Variants in QSOX2 observed in about 807,000 individuals in gnomAD.
QSOX2 encodes the protein sulfhydryl oxidase 2.
In QSOX2, 46 loss-of-function variants were observed where a neutral mutation model predicts 61.7. The ratio of observed to expected loss-of-function variants is 0.75; its 90% CI spans 0.59 to 0.95. The LOEUF (loss-of-function observed/expected upper bound fraction) is 0.95. QSOX2 is among the 40% of genes least tolerant of loss of function. The pLI, the probability that QSOX2 is intolerant of heterozygous loss-of-function variation, is 0.00. For missense variants in QSOX2, 879 were observed against 918.9 expected (o/e 0.96, Z 0.56); for synonymous variants, 383 against 388.4 (o/e 0.99, Z 0.16).
At position 136,244,884 on chromosome 9, in the gene QSOX2, A is replaced by T. The variant is rs116720063; in HGVS notation, c.328+592T>A. Among the ~76,000 whole-genome samples the T allele has an allele frequency of 3.3e-3, 498 of 152,302 alleles. 5 individuals carry two copies. The highest frequency in any genetic ancestry group is 0.011 in the African/African-American group (461 of 41,556). On this transcript the variant is annotated intron_variant, in intron 1 of 11. Coordinates refer to ENST00000358701, the MANE Select transcript of QSOX2 (RefSeq NM_181701.4). ...TAGGTTGTTTTGGGGTATTATAGAG[A>T]AGTCTCCAGAGTATTTGGACTTCTA...
chr9:136,238,713 T>C (rs1830411331), intron 1 of QSOX2, among the ~76,000 whole-genome samples: 1 of 152,226 alleles, frequency 6.6e-6, no homozygotes, highest in Non-Finnish European at 1.5e-5. Context: ...GAGTTTTACC[T>C]AGAAACCAGG....
At chr9:136,239,681 C>T (rs567681884) in intron 1 of QSOX2, among the ~76,000 whole-genome samples, 3 of 152,364 alleles carry the variant, frequency 2.0e-5, no homozygotes, top group Non-Finnish European at 2.9e-5. Flanking sequence ...GAGCTACGCT[C>T]CCAACACCAC....
At chr9:136,232,915 C>T (rs1830343865) in intron 1 of QSOX2, among the ~76,000 whole-genome samples, 1 of 76,978 alleles carries the variant, frequency 1.3e-5, no homozygotes, top group Non-Finnish European at 2.3e-5. Context: ...GAGAACCTGT[C>T]TCAAAAAAAA....
At chr9:136,237,547 A>T (rs1191389775) in intron 1 of QSOX2, among the ~76,000 whole-genome samples, 1 of 75,882 alleles carries the variant, frequency 1.3e-5, no homozygotes, top group African/African-American at 7.3e-5. Flanking sequence ...GTCCTGTGCC[A>T]CACCTGGAGC....
chr9:136,211,962 G>A (rs1180325827), intron 10 of QSOX2, among the ~76,000 whole-genome samples: 1 of 152,252 alleles, frequency 6.6e-6, no homozygotes, highest in East Asian at 1.9e-4. Flanking sequence ...CAGGACACCA[G>A]CCCAAGTGGG....
chr9:136,234,503 C>A (rs1260649337), intron 1 of QSOX2, among the ~76,000 whole-genome samples: 2 of 152,202 alleles, frequency 1.3e-5, no homozygotes, highest in Non-Finnish European at 2.9e-5. Flanking sequence ...TGACAACGCA[C>A]CATCCTAGAG....
In QSOX2 at chr9:136,241,088, C is replaced by T. The variant is rs575926595; in HGVS notation, c.328+4388G>A. Among the ~76,000 whole-genome samples the T allele has an allele frequency of 2.0e-5, 3 of 152,238 alleles. No individual in the cohort carries two copies. The East Asian group carries it at 5.8e-4, about 29-fold the overall frequency. ...CTGGGTCTCTCGGTGTAGTCTCAGA[C>T]GCACCAACCACAGCCACTGGGGAGG... is the stretch of plus-strand genomic sequence containing the variant. On this transcript the variant is annotated intron_variant, in intron 1 of 11. Transcript: ENST00000358701.
At chr9:136,215,120 A>T in intron 10 of QSOX2, 34 bp downstream of exon 10, 1 of 1,601,474 alleles carries the variant, frequency 6.2e-7, no homozygotes, top group Non-Finnish European at 8.5e-7. Context: ...TAGGCAGACC[A>T]TCGGCCCCTC....
intron 9 of QSOX2, among the ~76,000 whole-genome samples, chr9:136,215,550 T>G (rs898559452): frequency 6.6e-6 from 1 of 152,214 alleles, no homozygotes; most frequent in Non-Finnish European, 1.5e-5. Flanking sequence ...GAAGAGACAG[T>G]TCTTCTGTAT....
intron 1 of QSOX2, among the ~76,000 whole-genome samples, chr9:136,239,554 A>AGCGCAAATTCATCCCGGAGCGTGAATTC (rs1830418071): frequency 1.3e-5 from 2 of 152,170 alleles, no homozygotes; most frequent in Non-Finnish European, 2.9e-5. Context: ...ATGAATTTCC[A>AGCGCAAATTCATCCCGGAGCGTGAATTC]GCGCAAATTC....
chr9:136,210,995 G>T lies in QSOX2; in HGVS notation c.1549+269C>A, dbSNP rs144472106. On this transcript the variant is annotated intron_variant, in intron 11 of 11. Coordinates refer to ENST00000358701, the MANE Select transcript of QSOX2 (RefSeq NM_181701.4). Reference sequence around the variant, plus strand: ...ACGGGCTACCAGTGGGTACCGATGGGGGAAGAAAGAGCCACACCCATTTCC... The same window carrying T: ...ACGGGCTACCAGTGGGTACCGATGGTGGAAGAAAGAGCCACACCCATTTCC... 2.6e-4 allele frequency: 189 copies of T among 739,448 alleles called. 1 individual carries two copies. The highest frequency in any genetic ancestry group is 2.9e-4 in the Non-Finnish European group (175 of 605,406). The allele number at this position is 739,448 out of a possible 1,614,324, so 45.8% of individuals were successfully genotyped here. A position where few individuals can be genotyped will look rare whatever the true frequency, so the allele number is the denominator to read the frequency against.
intron 1 of QSOX2, among the ~76,000 whole-genome samples, chr9:136,235,216 C>T (rs891496048): frequency 5.3e-5 from 8 of 152,218 alleles, no homozygotes; most frequent in Non-Finnish European, 8.8e-5. Context: ...TGAGGATCGG[C>T]GGGGTCAAAG....
chr9:136,211,480 CG>C (rs749587983), intron 10 of QSOX2, 28 bp from the exon 11 acceptor site: 60 of 1,607,654 alleles, frequency 3.7e-5, no homozygotes, highest in African/African-American at 1.3e-5. Context: ...CTGCTGACAA[CG>C]GCAGGTGCGT....
At chr9:136,227,858 G>A (rs915164831) in intron 1 of QSOX2, among the ~76,000 whole-genome samples, 3 of 152,106 alleles carry the variant, frequency 2.0e-5, no homozygotes, top group East Asian at 1.9e-4. Flanking sequence ...GCACACCTGC[G>A]GTCCCAGCTA....
chr9:136,224,439 C>A (rs896684597), intron 3 of QSOX2, among the ~76,000 whole-genome samples: 8 of 152,002 alleles, frequency 5.3e-5, no homozygotes, highest in Admixed American at 2.6e-4. Context: ...GCAGAGCCCC[C>A]CCAGGGCGCG....
At chr9:136,230,858 C>G (rs1010554995) in intron 1 of QSOX2, among the ~76,000 whole-genome samples, 2 of 152,190 alleles carry the variant, frequency 1.3e-5, no homozygotes, top group African/African-American at 2.4e-5. Flanking sequence ...ACAGGCCTGA[C>G]CTCCGTCCCA....
Position 136,223,784 on chromosome 9 carries a change from G to A in QSOX2, c.654C>T (p.Asn218=), listed in dbSNP as rs780352476. 1 of 1,614,026 alleles carries A rather than the reference G, an allele frequency of 6.2e-7. No individual in the cohort carries two copies. The highest frequency in any genetic ancestry group is 8.5e-7 in the Non-Finnish European group (1 of 1,180,000). Residue 218 remains asparagine (N), a synonymous_variant, in exon 5 of 12, where the codon AAC becomes AAT. Coordinates refer to ENST00000358701, the MANE Select transcript of QSOX2 (RefSeq NM_181701.4). This position sits in a 1 kb window ranked among gnomAD's most constrained non-coding sequence, Gnocchi z 4.4. ...GTACCTCCCGTCCAAGGTAGGAGCT[G>A]TTGCTTTCAAAGACAATAGCCACGT... The part of the protein sequence containing the change: ...SHYVAIVFES[N]SSYLGREVIL...
rs956645075 is a variant in QSOX2, at chr9:136,207,888, C to A, written c.*840G>T. 1 of 152,332 alleles carries A rather than the reference C, an allele frequency of 6.6e-6. No individual in the cohort carries two copies. The highest frequency in any genetic ancestry group is 2.4e-5 in the African/African-American group (1 of 41,448). 9.4% of individuals were successfully genotyped at this position (152,332 alleles called of 1,614,324 possible). On this transcript the variant is annotated 3_prime_UTR_variant, in exon 12 of 12. Transcript: ENST00000358701. ...GCCCTCCAGGCACCCGCCGTCCCAA[C>A]GGCCCCCATTTACTTGTCTCTCTCT... is the stretch of plus-strand genomic sequence containing the variant.
At chr9:136,225,416 G>A (rs780003184) in intron 2 of QSOX2, among the ~76,000 whole-genome samples, 4 of 152,214 alleles carry the variant, frequency 2.6e-5, no homozygotes, top group Middle Eastern at 3.2e-3. Flanking sequence ...AGATGAGGTC[G>A]GTAAGAAAAG....
Sources: allele counts gnomAD v4.1 joint callset (sites outside exome capture counted in the v4.1 genomes callset), GRCh38; gene constraint gnomAD v4.1.1; non-coding constraint Gnocchi (gnomAD v3.1); transcripts MANE v1.5; gene names NCBI Gene and HGNC (gene_info 2026-07-23, HGNC 2026-07-21).